GRM8: variants seen among roughly 807,000 people sequenced by gnomAD.
GRM8 encodes the protein metabotropic glutamate receptor 8.
GRM8 carries 47 observed loss-of-function variants against 87.2 expected under a neutral mutation model. The observed-to-expected ratio is 0.54, with a 90% CI of 0.43 to 0.69. The LOEUF (loss-of-function observed/expected upper bound fraction) is 0.69. Ranked by LOEUF, GRM8 falls within the 30% of genes least tolerant of loss-of-function variation. The probability of loss-of-function intolerance (pLI) is 0.00; values close to 1 mark genes in which losing one functional copy is unlikely to be tolerated. For missense variants in GRM8, 1,019 were observed against 1,139.2 expected, an observed-to-expected ratio of 0.89 and a Z score of 1.52; for synonymous variants, 396 against 404.5, an observed-to-expected ratio of 0.98 and a Z score of 0.25.
At chr7:126,746,986 G>T (rs945390900) in intron 7 of GRM8, among the ~76,000 whole-genome samples, 36 of 151,584 alleles carry the variant, frequency 2.4e-4, no homozygotes, top group Admixed American at 2.3e-3. Context: ...AATATGTTTT[G>T]CTTATTATAT....
At chr7:126,957,788 A>T (rs1417498309) in intron 3 of GRM8, among the ~76,000 whole-genome samples, 1 of 152,214 alleles carries the variant, frequency 6.6e-6, no homozygotes, top group Admixed American at 6.5e-5. Context: ...CAGAGGCAGG[A>T]AGCAGACAGG....
At chr7:127,211,006 G>A (rs538408345) in intron 2 of GRM8, among the ~76,000 whole-genome samples, 2 of 152,242 alleles carry the variant, frequency 1.3e-5, no homozygotes, top group African/African-American at 4.8e-5. Flanking sequence ...CACTTGTCAT[G>A]GCCTGAATCT....
chr7:126,501,761 T>C (rs183977393), intron 9 of GRM8, among the ~76,000 whole-genome samples: 93 of 152,020 alleles, frequency 6.1e-4, no homozygotes, highest in Middle Eastern at 6.8e-3. Context: ...TGTCTGACAG[T>C]ATAACTATCA....
intron 7 of GRM8, among the ~76,000 whole-genome samples, chr7:126,657,819 A>C (rs2151270290): frequency 6.6e-6 from 1 of 152,302 alleles, no homozygotes; most frequent in Non-Finnish European, 1.5e-5. Context: ...GGAAACCCAC[A>C]GAGGAGGAGC....
At chr7:126,580,153 C>G (rs1795477210) in intron 8 of GRM8, among the ~76,000 whole-genome samples, 1 of 152,116 alleles carries the variant, frequency 6.6e-6, no homozygotes, top group Admixed American at 6.6e-5. Context: ...GACATTGATA[C>G]AGTTAATCTT....
chr7:126,775,479 G>GTTTTTTTTTTTTTTTTTTTTTTTTTTTT (rs372733476), intron 6 of GRM8, among the ~76,000 whole-genome samples: 1 of 104,748 alleles, frequency 9.5e-6, no homozygotes, highest in African/African-American at 4.3e-5. Flanking sequence ...TGACAAATAG[G>GTTTTTTTTTTTTTTTTTTTTTTTTTTTT]TTTTTTTTTT....
chr7:126,554,997 G>T (rs773562575), intron 8 of GRM8, among the ~76,000 whole-genome samples: 9 of 152,174 alleles, frequency 5.9e-5, no homozygotes, highest in Non-Finnish European at 1.3e-4. Context: ...GAATGGAAAT[G>T]ATGGATGTGT....
intron 7 of GRM8, among the ~76,000 whole-genome samples, chr7:126,650,994 C>A (rs77263654): frequency 0.061 from 9,352 of 152,148 alleles, 557 homozygotes; most frequent in East Asian, 0.31. Context: ...GGCACCATTC[C>A]TTGAGGTGAT....
At chr7:126,810,671 C>T (rs552067783) in intron 6 of GRM8, among the ~76,000 whole-genome samples, 14 of 152,098 alleles carry the variant, frequency 9.2e-5, no homozygotes, top group Non-Finnish European at 2.9e-5. Context: ...CTACAGTACC[C>T]TAAGTCCTCC....
chr7:126,504,595 C>A (rs752072908), intron 9 of GRM8, among the ~76,000 whole-genome samples: 1 of 152,002 alleles, frequency 6.6e-6, no homozygotes, highest in Non-Finnish European at 1.5e-5. Context: ...ACCAAACCCC[C>A]ATGACACACA....
intron 9 of GRM8, among the ~76,000 whole-genome samples, chr7:126,474,638 C>T (rs955722136): frequency 5.3e-5 from 8 of 152,164 alleles, no homozygotes; most frequent in South Asian, 4.2e-4. Context: ...AGAGATAGGC[C>T]GTGAGTTGAA....
intron 2 of GRM8, among the ~76,000 whole-genome samples, chr7:127,151,356 A>C (rs1183654015): frequency 1.3e-5 from 2 of 152,010 alleles, no homozygotes; most frequent in East Asian, 3.9e-4. Context: ...CAAATCTCCC[A>C]CTAGCAAAAA....
chr7:126,764,105 C>T (rs577494285), intron 7 of GRM8, among the ~76,000 whole-genome samples: 77 of 151,864 alleles, frequency 5.1e-4, no homozygotes, highest in Admixed American at 3.1e-3. Context: ...TAATTATTGT[C>T]GAGATCAAAT....
rs377484804 is a variant in GRM8, at chr7:126,651,672, G to A, written c.1358-42174C>T. The stretch of plus-strand genomic sequence containing the variant: ...TTAAGATTGCCACCTGGACACTTTG[G>A]GCTCCTCCTACCTTTAAGTCAACAG... On this transcript the variant is annotated intron_variant, in intron 7 of 10. Transcript: ENST00000339582. Among the ~76,000 whole-genome samples the A allele has an allele frequency of 1.2e-4, 19 of 152,226 alleles. No homozygotes were observed. The East Asian group carries it at 2.7e-3, about 22-fold the overall frequency.
chr7:127,002,047 A>T (rs897155669), intron 3 of GRM8, among the ~76,000 whole-genome samples: 1 of 151,558 alleles, frequency 6.6e-6, no homozygotes, highest in African/African-American at 2.4e-5. Context: ...GGTAGGAGAG[A>T]GGTGTGACTA....
At chr7:127,184,767 A>G (rs1794647705) in intron 2 of GRM8, among the ~76,000 whole-genome samples, 1 of 152,006 alleles carries the variant, frequency 6.6e-6, no homozygotes, top group Non-Finnish European at 1.5e-5. Flanking sequence ...TTAATGAGTG[A>G]GTATAGCAAG....
chr7:126,689,060 C>T (rs911024020), intron 7 of GRM8, among the ~76,000 whole-genome samples: 1 of 152,150 alleles, frequency 6.6e-6, no homozygotes, highest in African/African-American at 2.4e-5. Flanking sequence ...AGCCTGTCTG[C>T]AGAGTCTCTT....
chr7:126,703,328 T>A (rs558287076), intron 7 of GRM8, among the ~76,000 whole-genome samples: 2 of 152,156 alleles, frequency 1.3e-5, no homozygotes, highest in East Asian at 3.9e-4. Flanking sequence ...AATAAACATA[T>A]GTTTGAAGCA....
At chr7:126,897,496 G>T (rs1452215361) in intron 6 of GRM8, among the ~76,000 whole-genome samples, 1 of 151,960 alleles carries the variant, frequency 6.6e-6, no homozygotes, top group Non-Finnish European at 1.5e-5. Context: ...GGATGAAGAT[G>T]CAATTCTCAA....
Sources: gnomAD v4.1 joint callset for allele counts (sites outside exome capture counted in the v4.1 genomes callset) on GRCh38, gnomAD v4.1.1 for gene constraint, MANE v1.5 for transcripts, NCBI Gene and HGNC (gene_info 2026-07-23, HGNC 2026-07-21) for gene names.